Variants in NFIB observed in about 807,000 individuals in gnomAD.
NFIB encodes nuclear factor 1 B-type.
In NFIB, 11 loss-of-function variants were observed where a neutral mutation model predicts 61.5. That is an observed-to-expected ratio of 0.18 (90% CI 0.11 to 0.30). The LOEUF is 0.30. NFIB is among the 10% of genes least tolerant of loss of function. The pLI, the probability that NFIB is intolerant of heterozygous loss-of-function variation, is 1.00. For missense variants in NFIB, 471 were observed against 608.9 expected (o/e 0.77, Z 2.38); for synonymous variants, 260 against 216.5 (o/e 1.20, Z -1.76).
chr9:14,490,027 C>T, the NFIB span, among the ~76,000 whole-genome samples: 2 of 152,102 alleles, frequency 1.3e-5, no homozygotes, highest in African/African-American at 4.8e-5. Flanking sequence ...TTTGAGATTG[C>T]ACCTATAGGC....
At chr9:14,234,984 A>T (rs997229985) in intron 2 of NFIB, among the ~76,000 whole-genome samples, 1 of 152,218 alleles carries the variant, frequency 6.6e-6, no homozygotes, top group Admixed American at 6.5e-5. Flanking sequence ...AATCTTTTAG[A>T]CTTTTAAATC....
chr9:14,432,842 C>T, the NFIB span, among the ~76,000 whole-genome samples: 2 of 152,174 alleles, frequency 1.3e-5, no homozygotes, highest in Non-Finnish European at 2.9e-5. Context: ...GGTCCATAAT[C>T]AGAGACTGAT....
At chr9:14,149,347 T>C (rs947686194) in intron 5 of NFIB, among the ~76,000 whole-genome samples, 3 of 152,138 alleles carry the variant, frequency 2.0e-5, no homozygotes, top group Admixed American at 2.0e-4. Context: ...AAAGTTGACA[T>C]TGTAAAATGA....
At chr9:14,242,859 G>T (rs972222560) in intron 2 of NFIB, among the ~76,000 whole-genome samples, 1 of 152,134 alleles carries the variant, frequency 6.6e-6, no homozygotes, top group African/African-American at 2.4e-5. Flanking sequence ...ATATTGAAAT[G>T]GTTGTGATTT....
intron 2 of NFIB, among the ~76,000 whole-genome samples, chr9:14,246,110 G>C (rs1021269552): frequency 1.3e-5 from 2 of 151,260 alleles, no homozygotes; most frequent in Admixed American, 6.6e-5. Flanking sequence ...CTAGATATCA[G>C]GGACAGCGTG....
At chr9:14,404,916 T>G in the NFIB span, among the ~76,000 whole-genome samples, 1 of 152,196 alleles carries the variant, frequency 6.6e-6, no homozygotes, top group Non-Finnish European at 1.5e-5. Flanking sequence ...TCATCTGTTG[T>G]TTGGCATGAT....
the NFIB span, among the ~76,000 whole-genome samples, chr9:14,462,943 G>T: frequency 6.6e-6 from 1 of 152,200 alleles, no homozygotes; most frequent in Non-Finnish European, 1.5e-5. Flanking sequence ...AAGGCTGATT[G>T]TAGTGGTTCC....
chr9:14,291,090 C>T (rs1187243427), intron 2 of NFIB, among the ~76,000 whole-genome samples: 2 of 152,090 alleles, frequency 1.3e-5, no homozygotes, highest in African/African-American at 4.8e-5. Flanking sequence ...ATCTCTGTTT[C>T]AATGTGTTAA....
intron 2 of NFIB, among the ~76,000 whole-genome samples, chr9:14,277,269 TG>T (rs2058062638): frequency 6.6e-6 from 1 of 152,184 alleles, no homozygotes; most frequent in Non-Finnish European, 1.5e-5. Flanking sequence ...ACACATGGTT[TG>T]CTGGCAGAAT....
chr9:14,458,481 A>G, the NFIB span, among the ~76,000 whole-genome samples: 3 of 151,962 alleles, frequency 2.0e-5, no homozygotes, highest in Non-Finnish European at 4.4e-5. Context: ...CTCTCTCACC[A>G]CTCCTATTCA....
chr9:14,219,307 T>C, intron 2 of NFIB, among the ~76,000 whole-genome samples: 1 of 144,652 alleles, frequency 6.9e-6, no homozygotes, highest in Non-Finnish European at 1.5e-5. Flanking sequence ...ATATTAACTA[T>C]TATATAGATT....
intron 2 of NFIB, among the ~76,000 whole-genome samples, chr9:14,246,976 T>C (rs915272455): frequency 2.6e-5 from 4 of 151,712 alleles, no homozygotes; most frequent in African/African-American, 9.7e-5. Flanking sequence ...TCTCTCTCTC[T>C]CTCTCTTGCT....
intron 1 of NFIB, among the ~76,000 whole-genome samples, chr9:14,351,727 G>C (rs965889554): frequency 9.2e-5 from 14 of 152,210 alleles, no homozygotes; most frequent in Non-Finnish European, 1.6e-4. Flanking sequence ...GACTGTGACT[G>C]AATTTTAGAA....
At chr9:14,339,193 AAAATTGCTTTCACGT>A (rs2060921400) in intron 1 of NFIB, among the ~76,000 whole-genome samples, 1 of 152,216 alleles carries the variant, frequency 6.6e-6, no homozygotes, top group African/African-American at 2.4e-5. Context: ...TTTAGGGACA[AAAATTGCTTTCACGT>A]AAATCACTTG....
At chr9:14,401,138 A>T (rs2061739250), upstream of NFIB, among the ~76,000 whole-genome samples, 1 of 152,260 alleles carries the variant, frequency 6.6e-6, no homozygotes, top group Non-Finnish European at 1.5e-5. Flanking sequence ...AGTCTTTATC[A>T]AAAGGCTCAT....
rs527963665 is a variant in NFIB, at chr9:14,322,151, G to A, written c.109-14631C>T. The stretch of plus-strand genomic sequence containing the variant: ...ATTTTTTAATTGTAATTTCTGCACT[G>A]CCACAGTTCTTGGCCCGAGAAGAAA... On this transcript the variant is annotated intron_variant, in intron 1 of 8. Transcript: ENST00000380934. 1.5e-4 allele frequency: 175 copies of A among 1,205,096 alleles called. No individual in the cohort carries two copies. In the African/African-American group the frequency reaches 2.1e-3, roughly 15 times the overall value. 74.7% of individuals were successfully genotyped at this position (1,205,096 alleles called of 1,614,324 possible).
the NFIB span, among the ~76,000 whole-genome samples, chr9:14,507,467 T>G: frequency 2.3e-4 from 35 of 152,326 alleles, no homozygotes; most frequent in African/African-American, 8.2e-4. Flanking sequence ...CCTTTAGATA[T>G]ATGTAACATT....
At chr9:14,321,897 G>A in intron 1 of NFIB, 1 of 1,231,574 alleles carries the variant, frequency 8.1e-7, no homozygotes, top group East Asian at 3.2e-5. Flanking sequence ...TGCAAAGAAC[G>A]AATAAAAGAA....
At chr9:14,417,664 C>T in the NFIB span, among the ~76,000 whole-genome samples, 2 of 152,072 alleles carry the variant, frequency 1.3e-5, no homozygotes, top group South Asian at 4.2e-4. Context: ...AAACTGAGAT[C>T]CTTAGACTAC....
Sources: allele counts gnomAD v4.1 joint callset (sites outside exome capture counted in the v4.1 genomes callset), GRCh38; gene constraint gnomAD v4.1.1; transcripts MANE v1.5; gene names NCBI Gene and HGNC (gene_info 2026-07-23, HGNC 2026-07-21).